FOXP2: variants seen among roughly 807,000 people sequenced by gnomAD.
FOXP2 encodes the protein forkhead box P2.
FOXP2 carries 12 observed loss-of-function variants against 115.8 expected under a neutral mutation model. The ratio of observed to expected loss-of-function variants is 0.10; its 90% CI spans 0.07 to 0.17. FOXP2 has a LOEUF of 0.17. Ranked by LOEUF, FOXP2 falls within the 10% of genes least tolerant of loss-of-function variation. FOXP2 has a pLI of 1.00. For synonymous variants in FOXP2, 328 were observed against 297.7 expected (o/e 1.10, Z -1.05); for missense variants, 629 against 843.5 (o/e 0.75, Z 3.15).
intron 1 of FOXP2, among the ~76,000 whole-genome samples, chr7:114,100,486 C>A (rs1282538592): frequency 6.6e-6 from 1 of 151,866 alleles, no homozygotes; most frequent in Non-Finnish European, 1.5e-5. Context: ...ATTTATATAC[C>A]ATCTGAATAA....
intron 3 of FOXP2, among the ~76,000 whole-genome samples, chr7:114,564,900 A>G (rs1052267760): frequency 2.6e-5 from 4 of 151,318 alleles, no homozygotes; most frequent in South Asian, 2.1e-4. Context: ...AAAAAAATCT[A>G]GAAATGTTAT....
chr7:114,484,045 T>C (rs1796669110), intron 2 of FOXP2, among the ~76,000 whole-genome samples: 1 of 151,938 alleles, frequency 6.6e-6, no homozygotes, highest in Admixed American at 6.6e-5. Flanking sequence ...TCCTTCTTAA[T>C]GTTATATGAA....
At chr7:114,281,228 A>C (rs1160004247) in intron 1 of FOXP2, among the ~76,000 whole-genome samples, 1 of 150,750 alleles carries the variant, frequency 6.6e-6, no homozygotes, top group Non-Finnish European at 1.5e-5. Context: ...CAGCCTCCCA[A>C]GTAGCTGGCA....
chr7:114,484,696 A>G (rs1229995766), intron 2 of FOXP2, among the ~76,000 whole-genome samples: 1 of 151,902 alleles, frequency 6.6e-6, no homozygotes. Flanking sequence ...CCTGAATTGC[A>G]CCTGACTAAC....
chr7:114,141,004 C>G (rs1792192506), intron 1 of FOXP2, among the ~76,000 whole-genome samples: 1 of 152,076 alleles, frequency 6.6e-6, no homozygotes, highest in African/African-American at 2.4e-5. Context: ...TTTCTTAAAC[C>G]AATAATTTAG....
At chr7:114,361,424 G>A (rs1747747009) in intron 2 of FOXP2, among the ~76,000 whole-genome samples, 1 of 151,930 alleles carries the variant, frequency 6.6e-6, no homozygotes, top group Admixed American at 6.6e-5. Flanking sequence ...GTTTAAATAG[G>A]CCAAGAAAGA....
At chr7:114,619,793 T>G (rs1804146484) in intron 3 of FOXP2, among the ~76,000 whole-genome samples, 1 of 152,096 alleles carries the variant, frequency 6.6e-6, no homozygotes, top group Non-Finnish European at 1.5e-5. Context: ...GTTATATTAT[T>G]ATCTCATTAG....
chr7:114,339,531 A>G (rs1234561382), intron 2 of FOXP2, among the ~76,000 whole-genome samples: 2 of 151,080 alleles, frequency 1.3e-5, no homozygotes, highest in Non-Finnish European at 3.0e-5. Flanking sequence ...TTTTTGCTAC[A>G]TCATGGGTCC....
chr7:114,387,983 G>A (rs1469404938), intron 2 of FOXP2, among the ~76,000 whole-genome samples: 1 of 152,042 alleles, frequency 6.6e-6, no homozygotes, highest in Non-Finnish European at 1.5e-5. Flanking sequence ...TTTATCTTAA[G>A]GTTTCAGTCA....
At chr7:114,439,673 T>TA (rs1794513137) in intron 2 of FOXP2, among the ~76,000 whole-genome samples, 1 of 152,070 alleles carries the variant, frequency 6.6e-6, no homozygotes, top group Admixed American at 6.6e-5. Flanking sequence ...GCCTCCTGAG[T>TA]AGCTAGGACT....
chr7:114,401,487 C>T (rs1359315002), intron 2 of FOXP2, among the ~76,000 whole-genome samples: 1 of 152,176 alleles, frequency 6.6e-6, no homozygotes, highest in Non-Finnish European at 1.5e-5. Context: ...CTGCCAGGTA[C>T]TTTTCATATA....
intron 2 of FOXP2, among the ~76,000 whole-genome samples, chr7:114,517,865 T>C (rs2129267079): frequency 6.6e-6 from 1 of 152,176 alleles, no homozygotes; most frequent in South Asian, 2.1e-4. Flanking sequence ...CCGTGAAAAA[T>C]ATCATTTGAA....
intron 1 of FOXP2, among the ~76,000 whole-genome samples, chr7:114,242,852 A>G (rs559021945): frequency 1.3e-5 from 2 of 152,226 alleles, no homozygotes; most frequent in African/African-American, 4.8e-5. Context: ...TCCTCTACTT[A>G]TAAGTAGAAA....
intron 2 of FOXP2, among the ~76,000 whole-genome samples, chr7:114,433,721 A>G (rs1413340285): frequency 1.3e-5 from 2 of 152,012 alleles, no homozygotes; most frequent in Admixed American, 6.6e-5. Context: ...TGCTTTGACT[A>G]TGGATATATG....
intron 1 of FOXP2, among the ~76,000 whole-genome samples, chr7:114,265,627 G>T (rs73716387): frequency 0.035 from 5,367 of 152,010 alleles, 271 homozygotes; most frequent in African/African-American, 0.12. Flanking sequence ...TCTGTGTGGG[G>T]CCTCCAACCA....
intron 2 of FOXP2, among the ~76,000 whole-genome samples, chr7:114,373,038 G>A (rs1003485686): frequency 6.6e-6 from 1 of 151,698 alleles, no homozygotes; most frequent in Admixed American, 6.6e-5. Flanking sequence ...TGTTTCCCAG[G>A]CTGAAGTGCA....
At chr7:114,438,335 C>G in intron 2 of FOXP2, among the ~76,000 whole-genome samples, 1 of 152,030 alleles carries the variant, frequency 6.6e-6, no homozygotes, top group East Asian at 1.9e-4. Context: ...CTGCAGGTCC[C>G]CTATAAAAGA....
At chr7:114,204,990 G>A (rs1189652678) in intron 1 of FOXP2, among the ~76,000 whole-genome samples, 1 of 151,338 alleles carries the variant, frequency 6.6e-6, no homozygotes, top group Non-Finnish European at 1.5e-5. Context: ...ATTGCCTTTT[G>A]CCGTAGACTG....
intron 2 of FOXP2, among the ~76,000 whole-genome samples, chr7:114,476,223 A>G (rs1237117059): frequency 6.6e-6 from 1 of 151,366 alleles, no homozygotes; most frequent in Non-Finnish European, 1.5e-5. Flanking sequence ...AGTATTTTCT[A>G]TGTTGTCTTA....
Sources: allele counts gnomAD v4.1 joint callset (sites outside exome capture counted in the v4.1 genomes callset), GRCh38; gene constraint gnomAD v4.1.1; transcripts MANE v1.5; gene names NCBI Gene and HGNC (gene_info 2026-07-23, HGNC 2026-07-21).